RANBP10: variants seen among roughly 807,000 people sequenced by gnomAD.
RANBP10 encodes the protein RAN binding protein 10, also known as ran-binding protein 10.
RANBP10 carries 24 observed loss-of-function variants against 72.8 expected under a neutral mutation model. That is an observed-to-expected ratio of 0.33 (90% CI 0.24 to 0.46). RANBP10 has a LOEUF of 0.46. RANBP10 is among the 20% of genes least tolerant of loss of function. RANBP10 has a pLI of 1.00. For synonymous variants in RANBP10, 310 were observed against 322.3 expected (o/e 0.96, Z 0.41); for missense variants, 679 against 817.5 (o/e 0.83, Z 2.07).
At chr16:67,755,105 AACC>A (rs2054263124) in intron 3 of RANBP10, among the ~76,000 whole-genome samples, 1 of 152,056 alleles carries the variant, frequency 6.6e-6, no homozygotes, top group Non-Finnish European at 1.5e-5. Flanking sequence ...TTCCCGACCC[AACC>A]ACCAAGCACC....
At chr16:67,736,436 C>T (rs2053849336) in intron 5 of RANBP10, among the ~76,000 whole-genome samples, 1 of 152,228 alleles carries the variant, frequency 6.6e-6, no homozygotes, top group South Asian at 2.1e-4. Context: ...GCTAGGATCA[C>T]AAGCGTGAGC....
intron 6 of RANBP10, 87 bp from the exon 7 acceptor site, chr16:67,731,671 C>T (rs900456584): frequency 1.1e-6 from 1 of 929,810 alleles, no homozygotes; most frequent in Non-Finnish European, 1.6e-6. Context: ...TTACCTCCCC[C>T]AGAGGTCTCC....
intron 3 of RANBP10, chr16:67,759,652 C>T (rs2054357795): frequency 6.6e-6 from 1 of 152,260 alleles, no homozygotes; most frequent in African/African-American, 2.4e-5. Context: ...ACTGTAGATC[C>T]CAAGGTGAAA....
chr16:67,788,503 C>G (rs1386712232), intron 2 of RANBP10, among the ~76,000 whole-genome samples: 2 of 151,274 alleles, frequency 1.3e-5, no homozygotes, highest in Non-Finnish European at 2.9e-5. Context: ...GTGATCCACC[C>G]GCCTCGGCCT....
At chr16:67,746,948 G>T (rs904219466) in intron 3 of RANBP10, among the ~76,000 whole-genome samples, 3 of 152,162 alleles carry the variant, frequency 2.0e-5, no homozygotes, top group Non-Finnish European at 2.9e-5. Context: ...GATGACATTT[G>T]AGTTGTTATA....
rs1194349382 is a variant in RANBP10, at chr16:67,730,149, G to A, written c.890-103C>T. 3.0e-6 allele frequency: 3 copies of A among 1,002,412 alleles called. No homozygotes were observed. The highest frequency in any genetic ancestry group is 4.2e-5 in the Admixed American group (2 of 47,600). 62.1% of individuals were successfully genotyped at this position (1,002,412 alleles called of 1,614,324 possible). A position where few individuals can be genotyped will look rare whatever the true frequency, so the allele number is the denominator to read the frequency against. On this transcript the variant is annotated intron_variant, in intron 7 of 13. Transcript: ENST00000317506. This position sits in a 1 kb window ranked among gnomAD's most constrained non-coding sequence, Gnocchi z 4.3. ...CTCAGGGTAGGGTCCGGCTCAGAGT[G>A]CCTCGCCAGCTTGAAATGCTCACAG...
At chr16:67,756,831 G>A (rs951599744) in intron 3 of RANBP10, among the ~76,000 whole-genome samples, 2 of 152,176 alleles carry the variant, frequency 1.3e-5, no homozygotes, top group African/African-American at 4.8e-5. Context: ...AAAGACTCGA[G>A]CTCGAATCCC....
chr16:67,780,941 A>G (rs1482708568), intron 2 of RANBP10, among the ~76,000 whole-genome samples: 2 of 152,246 alleles, frequency 1.3e-5, no homozygotes, highest in Non-Finnish European at 2.9e-5. Context: ...CACATCTCAG[A>G]ACACAGCTCC....
At chr16:67,799,068 G>A (rs2055185536) in intron 2 of RANBP10, among the ~76,000 whole-genome samples, 1 of 151,848 alleles carries the variant, frequency 6.6e-6, no homozygotes, top group Non-Finnish European at 1.5e-5. Flanking sequence ...TGGGATTACA[G>A]GCATGCACCA....
chr16:67,789,449 G>A (rs1239557842), intron 2 of RANBP10, among the ~76,000 whole-genome samples: 1 of 151,588 alleles, frequency 6.6e-6, no homozygotes, highest in African/African-American at 2.4e-5. Flanking sequence ...CTGCACTCCA[G>A]TCTGGGCAAC....
At chr16:67,747,698 T>C (rs1597852770) in intron 3 of RANBP10, among the ~76,000 whole-genome samples, 1 of 151,812 alleles carries the variant, frequency 6.6e-6, no homozygotes. Context: ...AGAGTCGGGG[T>C]TTCACCATGT....
At chr16:67,794,385 C>T (rs2055087184) in intron 2 of RANBP10, among the ~76,000 whole-genome samples, 1 of 151,388 alleles carries the variant, frequency 6.6e-6, no homozygotes, top group Non-Finnish European at 1.5e-5. Context: ...TGGAGTGAGC[C>T]GAGGTCATGC....
chr16:67,765,199 CAAAAAAAAA>C (rs569942198), intron 3 of RANBP10, among the ~76,000 whole-genome samples: 2 of 11,642 alleles, frequency 1.7e-4, no homozygotes, highest in Non-Finnish European at 4.3e-4. Flanking sequence ...GACTCCATCT[CAAAAAAAAA>C]AAAAAAAAAA....
chr16:67,734,814 T>TG (rs2053807550), intron 6 of RANBP10, 44 bp downstream of exon 6: 11 of 1,453,706 alleles, frequency 7.6e-6, no homozygotes, highest in Non-Finnish European at 6.4e-6. Flanking sequence ...TGAAGTGGGC[T>TG]GGGGTGGGGT....
intron 4 of RANBP10, chr16:67,738,772 T>C (rs934365512): frequency 6.6e-6 from 1 of 152,042 alleles, no homozygotes; most frequent in Non-Finnish European, 1.5e-5. Flanking sequence ...TAGTTTTAAT[T>C]AGACCATGGC....
intron 3 of RANBP10, among the ~76,000 whole-genome samples, chr16:67,764,842 A>G (rs956239545): frequency 6.6e-6 from 1 of 152,242 alleles, no homozygotes; most frequent in African/African-American, 2.4e-5. Context: ...AACATTTTGG[A>G]ACATTTAATA....
At position 67,729,805 on chromosome 16, in the gene RANBP10, A is replaced by G; in HGVS notation, c.1022T>C (p.Val341Ala). The G allele has an allele frequency of 6.2e-7, 1 of 1,613,824 alleles. No homozygotes were observed. Among genetic ancestry groups the G allele is most frequent in the Non-Finnish European group, 8.5e-7 (1 of 1,179,932 alleles). ...TCGGACCTCACTGTCCGTCCCATTC[A>G]CCATCTCCACAAACTGCCGGCACCT... The part of the protein sequence containing the change: ...MLKCRQFVEM[V>A]NGTDSEVRSL... Residue 341 changes from valine to alanine, a missense_variant, in exon 9 of 14, where the codon GTG (valine) becomes GCG (alanine). By Grantham distance (64) the Val-to-Ala change is moderately conservative (BLOSUM62 0). Transcript: ENST00000317506. The surrounding 1 kb of genome is among the most constrained non-coding windows in gnomAD (Gnocchi z 7.1).
chr16:67,794,608 C>T (rs376705407), intron 2 of RANBP10, among the ~76,000 whole-genome samples: 2 of 147,030 alleles, frequency 1.4e-5, no homozygotes, highest in South Asian at 2.2e-4. Flanking sequence ...CTATAACCTC[C>T]GCCTCCCAGG....
At chr16:67,737,864 C>T in intron 5 of RANBP10, 149 bp downstream of exon 5, 1 of 1,058,864 alleles carries the variant, frequency 9.4e-7, no homozygotes, top group South Asian at 1.4e-5. Flanking sequence ...GCAAGTGCCC[C>T]TCCTGGTACC....
Sources: gnomAD v4.1 joint callset for allele counts (sites outside exome capture counted in the v4.1 genomes callset) on GRCh38, gnomAD v4.1.1 for gene constraint, Gnocchi (gnomAD v3.1) non-coding constraint, MANE v1.5 for transcripts, NCBI Gene and HGNC (gene_info 2026-07-23, HGNC 2026-07-21) for gene names.